FAF1: variants seen among roughly 807,000 people sequenced by gnomAD.
The protein encoded by FAF1 is Fas associated factor 1.
In FAF1, 25 loss-of-function variants were observed where a neutral mutation model predicts 92.5. The ratio of observed to expected loss-of-function variants is 0.27; its 90% confidence interval spans 0.20 to 0.38. The LOEUF is 0.38. Among genes scored for constraint, FAF1 ranks in the 10% least tolerant of loss-of-function variants. The pLI is 1.00. For missense variants in FAF1, 636 were observed against 793.3 expected (o/e 0.80, Z 2.38); for synonymous variants, 234 against 273.2 (o/e 0.86, Z 1.42).
intron 2 of FAF1, among the ~76,000 whole-genome samples, chr1:50,834,063 C>A (rs367686180): frequency 4.6e-5 from 7 of 152,162 alleles, no homozygotes; most frequent in African/African-American, 1.7e-4. Flanking sequence ...GATCATCGGG[C>A]GGATTTCCCC....
intron 7 of FAF1, among the ~76,000 whole-genome samples, chr1:50,668,749 G>C (rs1569721455): frequency 6.6e-6 from 1 of 152,114 alleles, no homozygotes; most frequent in East Asian, 1.9e-4. Context: ...TTCACTGTTA[G>C]GGCTGGCTCT....
chr1:50,576,514 AC>A (rs1427078279), intron 12 of FAF1, among the ~76,000 whole-genome samples: 3 of 152,176 alleles, frequency 2.0e-5, no homozygotes, highest in Admixed American at 2.0e-4. Flanking sequence ...ATTTTTAGTT[AC>A]TATAAATGTC....
chr1:50,494,645 C>T (rs1265010959), intron 15 of FAF1, among the ~76,000 whole-genome samples: 2 of 152,222 alleles, frequency 1.3e-5, no homozygotes, highest in Admixed American at 6.5e-5. Context: ...TCACTGCTCT[C>T]ATATTGCGCT....
intron 7 of FAF1, among the ~76,000 whole-genome samples, chr1:50,670,127 G>GC (rs1426917112): frequency 4.0e-5 from 3 of 74,728 alleles, no homozygotes; most frequent in African/African-American, 1.4e-4. Flanking sequence ...GTCTCAAAAA[G>GC]AAAAAAAAAA....
At chr1:50,594,851 A>C (rs1329189442) in intron 9 of FAF1, among the ~76,000 whole-genome samples, 1 of 148,406 alleles carries the variant, frequency 6.7e-6, no homozygotes, top group Non-Finnish European at 1.5e-5. Context: ...AACCTGGGCA[A>C]CAAGAGTGAA....
chr1:50,624,314 A>AT (rs1316446107), intron 8 of FAF1, among the ~76,000 whole-genome samples: 4 of 151,988 alleles, frequency 2.6e-5, no homozygotes, highest in Non-Finnish European at 5.9e-5. Context: ...CGCCCAGCTA[A>AT]TTTTTTGTAT....
chr1:50,620,605 G>A (rs546138231), intron 8 of FAF1, among the ~76,000 whole-genome samples: 13 of 152,298 alleles, frequency 8.5e-5, no homozygotes, highest in African/African-American at 3.1e-4. Context: ...TAGTGGACTT[G>A]TCTGGAGGTA....
chr1:50,632,079 TG>T (rs1653815093), intron 8 of FAF1, among the ~76,000 whole-genome samples: 1 of 152,146 alleles, frequency 6.6e-6, no homozygotes, highest in Admixed American at 6.5e-5. Flanking sequence ...ATCTATCACC[TG>T]AGAATAAGGG....
rs1245061677 is a variant in FAF1 at position 50,630,863 on chromosome 1, C to G, written c.744+24579G>C. 3.3e-5 allele frequency among the ~76,000 whole-genome samples: 4 copies of G among 122,908 alleles called. No individual in the cohort carries two copies. The Admixed American group carries it at 4.0e-4, about 12-fold the overall frequency. The allele number at this position is 122,908 out of a possible 152,430, so 80.6% of individuals were successfully genotyped here. On this transcript the variant is annotated intron_variant, in intron 8 of 18. Transcript: ENST00000396153. ...TTTTTTTTTTTTTGAGAGTCTCACT[C>G]TGTCGCCCAGGCTGGAGTGCAGTGG...
intron 1 of FAF1, among the ~76,000 whole-genome samples, chr1:50,902,183 A>G (rs944466817): frequency 2.6e-5 from 4 of 152,184 alleles, no homozygotes; most frequent in African/African-American, 7.2e-5. Flanking sequence ...TAAAAGGCAA[A>G]GTACTTAAAG....
intron 4 of FAF1, among the ~76,000 whole-genome samples, chr1:50,765,257 CTTTACACACACTCTATCTGCCA>C (rs996151339): frequency 3.3e-5 from 5 of 152,190 alleles, no homozygotes; most frequent in African/African-American, 1.2e-4. Context: ...ACTGAAAACA[CTTTACACACACTCTATCTGCCA>C]TTTAAATGCC....
At chr1:50,705,705 G>C (rs1657645769) in intron 7 of FAF1, 81 bp downstream of exon 7, 1 of 729,640 alleles carries the variant, frequency 1.4e-6, no homozygotes, top group Non-Finnish European at 2.3e-6. Flanking sequence ...TTTCCAACCA[G>C]AACAGATAAG....
intron 18 of FAF1, among the ~76,000 whole-genome samples, chr1:50,442,031 T>C (rs1646173962): frequency 6.6e-6 from 1 of 152,010 alleles, no homozygotes; most frequent in Non-Finnish European, 1.5e-5. Context: ...GTTGATGGTA[T>C]ATTTAGTTTG....
chr1:50,781,037 T>A (rs1661156878), intron 4 of FAF1: 1 of 452,082 alleles, frequency 2.2e-6, no homozygotes, highest in Admixed American at 2.3e-5. Context: ...GGTGACAGCC[T>A]GATTGAACTG....
chr1:50,877,205 C>G (rs899730036), intron 1 of FAF1, among the ~76,000 whole-genome samples: 1 of 152,120 alleles, frequency 6.6e-6, no homozygotes, highest in Admixed American at 6.5e-5. Context: ...TGATCAAGGT[C>G]AATATCAACA....
chr1:50,616,986 A>G (rs1194310117), intron 8 of FAF1, among the ~76,000 whole-genome samples: 1 of 152,128 alleles, frequency 6.6e-6, no homozygotes, highest in Non-Finnish European at 1.5e-5. Context: ...CAGGCTGTAC[A>G]TTGATTTTAT....
chr1:50,529,080 T>C (rs1647995957), intron 15 of FAF1, among the ~76,000 whole-genome samples: 1 of 152,220 alleles, frequency 6.6e-6, no homozygotes, highest in African/African-American at 2.4e-5. Context: ...TCAAAAGTTA[T>C]ACCTGCATTT....
chr1:50,939,989 C>A (rs1172921744), intron 1 of FAF1, among the ~76,000 whole-genome samples: 1 of 152,322 alleles, frequency 6.6e-6, no homozygotes, highest in South Asian at 2.1e-4. Flanking sequence ...CAGCTCACTG[C>A]AACCACTGTC....
At chr1:50,486,821 T>C (rs1646774945) in intron 17 of FAF1, among the ~76,000 whole-genome samples, 1 of 152,168 alleles carries the variant, frequency 6.6e-6, no homozygotes, top group Non-Finnish European at 1.5e-5. Context: ...ATAAAAGATC[T>C]GAGACTCAAA....
Sources: gnomAD v4.1 joint callset for allele counts (sites outside exome capture counted in the v4.1 genomes callset) on GRCh38, gnomAD v4.1.1 for gene constraint, MANE v1.5 for transcripts, NCBI Gene and HGNC (gene_info 2026-07-23, HGNC 2026-07-21) for gene names.